Variants in PLEKHA7 observed in about 807,000 individuals in gnomAD.
PLEKHA7 encodes the protein pleckstrin homology domain-containing family A member 7.
Under a neutral mutation model 170.0 loss-of-function variants are expected in PLEKHA7, and 104 were observed. The observed-to-expected ratio is 0.61, with a 90% CI of 0.52 to 0.72. The LOEUF (loss-of-function observed/expected upper bound fraction) is 0.72, where lower values mean the gene tolerates loss of function less well. PLEKHA7 is among the 30% of genes least tolerant of loss of function. PLEKHA7 has a pLI of 0.00. For synonymous variants in PLEKHA7, 648 were observed against 660.8 expected (o/e 0.98, Z 0.30); for missense variants, 1,615 against 1,671.7 (o/e 0.97, Z 0.59).
intron 3 of PLEKHA7, among the ~76,000 whole-genome samples, chr11:16,891,408 A>ATT (rs1856606126): frequency 6.6e-6 from 1 of 152,200 alleles, no homozygotes; most frequent in Non-Finnish European, 1.5e-5. Flanking sequence ...CATCAGAAGC[A>ATT]AAGAGAGGTA....
intron 3 of PLEKHA7, among the ~76,000 whole-genome samples, chr11:16,892,432 G>GTGTTTTGTTT (rs199820686): frequency 0.02 from 2,329 of 114,984 alleles, 62 homozygotes; most frequent in African/African-American, 0.079. Context: ...GTGTGTGTGT[G>GTGTTTTGTTT]TGTTTTGTTT....
chr11:16,800,087 CA>C (rs1237836444), intron 17 of PLEKHA7, among the ~76,000 whole-genome samples: 3 of 152,204 alleles, frequency 2.0e-5, no homozygotes, highest in African/African-American at 7.2e-5. Context: ...AGCCCAGCAC[CA>C]AAAGTGGCCC....
rs1416225199 is a variant in PLEKHA7, at chr11:16,791,037, C to A, written c.2908G>T (p.Gly970Trp). 1 of 1,614,126 alleles carries A rather than the reference C, an allele frequency of 6.2e-7. No individual in the cohort carries two copies. Among genetic ancestry groups the A allele is most frequent in the Non-Finnish European group, 8.5e-7 (1 of 1,180,044 alleles). The change falls in exon 20 of 27, where the codon GGG (glycine) becomes TGG (tryptophan). Residue 970 changes from glycine to tryptophan, a missense_variant. Gly to Trp is a radical substitution (Grantham distance 184, BLOSUM62 -2). Coordinates refer to ENST00000531066, the MANE Select transcript of PLEKHA7 (RefSeq NM_001329630.2). The surrounding 1 kb of genome is among the most constrained non-coding windows in gnomAD (Gnocchi z 4.5). ...SDERKRDREL[G>W]QCVNGDSRVE... ...CTGGAATCCCCATTCACACACTGCCCCAGCTCCCGGTCTCGCTTCCTCTCG... is the reference window on the plus strand; with the variant it reads ...CTGGAATCCCCATTCACACACTGCCACAGCTCCCGGTCTCGCTTCCTCTCG...
At position 16,794,936 on chromosome 11, in the gene PLEKHA7, A is replaced by T; in HGVS notation, c.2492T>A (p.Ile831Asn). 6.2e-7 allele frequency: 1 copy of T among 1,613,226 alleles called. No homozygotes were observed. ...CGGATTTTTTACTGACTCCACTAGA[A>T]TTCTGAAGTTCTCTTTATTTGCACT... ...GLSANKENFR[I>N]LVESVKNPER... Residue 831 changes from isoleucine to asparagine, a missense_variant, in exon 18 of 27, where the codon ATT (isoleucine) becomes AAT (asparagine). Transcript: ENST00000531066.
intron 3 of PLEKHA7, among the ~76,000 whole-genome samples, chr11:16,903,499 C>T (rs177544): frequency 0.11 from 16,772 of 152,168 alleles, 1,112 homozygotes; most frequent in Admixed American, 0.16. Flanking sequence ...ATTGCACAGA[C>T]GCCTACATTA....
intron 3 of PLEKHA7, among the ~76,000 whole-genome samples, chr11:16,967,044 G>A (rs535739157): frequency 1.3e-5 from 2 of 152,074 alleles, no homozygotes; most frequent in African/African-American, 4.8e-5. Flanking sequence ...GAAGATACGG[G>A]GCCCTTGAAA....
At chr11:16,980,153 T>A (rs936985486) in intron 3 of PLEKHA7, among the ~76,000 whole-genome samples, 1 of 152,216 alleles carries the variant, frequency 6.6e-6, no homozygotes, top group Non-Finnish European at 1.5e-5. Context: ...AGTCCAGCAT[T>A]GAGCCTAGAA....
intron 3 of PLEKHA7, among the ~76,000 whole-genome samples, chr11:17,005,574 C>A (rs897795892): frequency 6.6e-6 from 1 of 152,024 alleles, no homozygotes; most frequent in African/African-American, 2.4e-5. Flanking sequence ...GGAGAGGGTG[C>A]CATCAAGGCA....
At chr11:16,996,407 C>T (rs1020188163) in intron 3 of PLEKHA7, among the ~76,000 whole-genome samples, 1 of 152,218 alleles carries the variant, frequency 6.6e-6, no homozygotes, top group African/African-American at 2.4e-5. Context: ...CCTATCCCAT[C>T]TGAGAACCAC....
At chr11:16,906,921 G>T (rs1449760252) in intron 3 of PLEKHA7, among the ~76,000 whole-genome samples, 1 of 145,156 alleles carries the variant, frequency 6.9e-6, no homozygotes, top group Non-Finnish European at 1.5e-5. Flanking sequence ...GATGTGGGGA[G>T]CGCCTCTGCC....
chr11:16,918,957 T>G (rs1445852083), intron 3 of PLEKHA7, among the ~76,000 whole-genome samples: 1 of 152,018 alleles, frequency 6.6e-6, no homozygotes. Flanking sequence ...ATGCCTATAA[T>G]GCCAGCACTT....
At position 16,791,728 on chromosome 11, in the gene PLEKHA7, T is replaced by G. The variant is rs1847871683; in HGVS notation, c.2746-529A>C. The G allele has an allele frequency of 2.2e-6, 1 of 455,462 alleles. No homozygotes were observed. The allele number at this position is 455,462 out of a possible 1,614,324, so 28.2% of individuals were successfully genotyped here. A position where few individuals can be genotyped will look rare whatever the true frequency, so the allele number is the denominator to read the frequency against. On this transcript the variant is annotated intron_variant, in intron 19 of 26. Coordinates refer to ENST00000531066, the MANE Select transcript of PLEKHA7 (RefSeq NM_001329630.2). The surrounding 1 kb of genome is among the most constrained non-coding windows in gnomAD (Gnocchi z 4.5). ...CCTCCTGGCCTTTCTATCAGAAATG[T>G]GCATGGTTACAAAATATTTCCTCCT...
chr11:17,009,081 A>G (rs943067242), intron 3 of PLEKHA7, among the ~76,000 whole-genome samples: 16 of 152,202 alleles, frequency 1.1e-4, no homozygotes, highest in Admixed American at 9.8e-4. Flanking sequence ...AGCCTTGGGG[A>G]AGCCTAACTC....
chr11:16,968,701 T>C (rs1467984109), intron 3 of PLEKHA7, among the ~76,000 whole-genome samples: 4 of 152,114 alleles, frequency 2.6e-5, no homozygotes, highest in Non-Finnish European at 4.4e-5. Context: ...GCCAAAGCCA[T>C]CCAGTACACC....
At chr11:16,844,823 G>A (rs1007402160) in intron 8 of PLEKHA7, among the ~76,000 whole-genome samples, 1 of 152,112 alleles carries the variant, frequency 6.6e-6, no homozygotes, top group East Asian at 1.9e-4. Flanking sequence ...GAAAATAGAG[G>A]AGCACCCAAA....
In PLEKHA7 at chr11:16,907,099, G is replaced by A. The variant is rs1200483615; in HGVS notation, c.222-35917C>T. ...AGCGTCTCCGCCCGGCAGCCACCCT[G>A]TCTGGGAGGGAGGTGGGGGTCAGCC... On this transcript the variant is annotated intron_variant, in intron 3 of 26. Coordinates refer to ENST00000531066, the MANE Select transcript of PLEKHA7 (RefSeq NM_001329630.2). Among the ~76,000 whole-genome samples the A allele has an allele frequency of 3.8e-5, 5 of 132,884 alleles. 1 individual carries two copies. Among genetic ancestry groups the A allele is most frequent in the East Asian group, 2.2e-4 (1 of 4,528 alleles). 87.2% of individuals were successfully genotyped at this position (132,884 alleles called of 152,430 possible). A position where few individuals can be genotyped will look rare whatever the true frequency, so the allele number is the denominator to read the frequency against.
intron 11 of PLEKHA7, 79 bp downstream of exon 11, chr11:16,816,721 A>T (rs1849783047): frequency 6.6e-7 from 1 of 1,511,854 alleles, no homozygotes; most frequent in Non-Finnish European, 9.0e-7. Flanking sequence ...CAAATTACTC[A>T]AATTTGTGTT....
chr11:16,814,334 C>G (rs1849588148), intron 12 of PLEKHA7, among the ~76,000 whole-genome samples: 1 of 152,172 alleles, frequency 6.6e-6, no homozygotes, highest in Non-Finnish European at 1.5e-5. Flanking sequence ...TTTCCTAAAT[C>G]TCTCAAAACT....
At chr11:16,890,080 T>C (rs4756868) in intron 3 of PLEKHA7, among the ~76,000 whole-genome samples, 25,360 of 152,162 alleles carry the variant, frequency 0.17, 2,619 homozygotes, top group Non-Finnish European at 0.24. Flanking sequence ...AGAAATAAAA[T>C]GTTTCCTAGA....
Sources: allele counts gnomAD v4.1 joint callset (sites outside exome capture counted in the v4.1 genomes callset), GRCh38; gene constraint gnomAD v4.1.1; non-coding constraint Gnocchi (gnomAD v3.1); transcripts MANE v1.5; gene names NCBI Gene and HGNC (gene_info 2026-07-23, HGNC 2026-07-21).